CYSLTR2: variants seen among roughly 807,000 people sequenced by gnomAD.
CYSLTR2 encodes cysteinyl leukotriene receptor 2.
For missense variants in CYSLTR2, 398 were observed against 411.9 expected, an observed-to-expected ratio of 0.97 and a Z score of 0.29; for synonymous variants, 179 against 160.8, an observed-to-expected ratio of 1.11 and a Z score of -0.86.
rs144007002 is a variant in CYSLTR2, at chr13:48,706,287, A to C, written c.-1-530A>C. ...CTGGGATTACGGGCGTGAGCCACCA[A>C]ACCCAGCCTAGTCATTCTTTTAAGA... On this transcript the variant is annotated intron_variant, in intron 4 of 4. Transcript: ENST00000682523. 4.4e-3 allele frequency among the ~76,000 whole-genome samples: 669 copies of C among 152,308 alleles called. 3 individuals carry two copies. Among genetic ancestry groups the C allele is most frequent in the Middle Eastern group, 0.014 (4 of 294 alleles).
At chr13:48,677,823 C>A (rs1953639683) in intron 1 of CYSLTR2, among the ~76,000 whole-genome samples, 2 of 151,940 alleles carry the variant, frequency 1.3e-5, no homozygotes, top group African/African-American at 4.8e-5. Context: ...CTTTCTACAC[C>A]ACCCCTCTAC....
chr13:48,663,405 A>T (rs997303464), intron 1 of CYSLTR2, among the ~76,000 whole-genome samples: 5 of 152,180 alleles, frequency 3.3e-5, no homozygotes, highest in Non-Finnish European at 7.4e-5. Context: ...TAGGAATTGC[A>T]TTGAATCTGT....
chr13:48,656,905 C>T (rs991524455), intron 1 of CYSLTR2, among the ~76,000 whole-genome samples: 4 of 152,196 alleles, frequency 2.6e-5, no homozygotes, highest in African/African-American at 9.7e-5. Flanking sequence ...CTCAGCGTTG[C>T]TAGAGAGCTT....
intron 1 of CYSLTR2, among the ~76,000 whole-genome samples, chr13:48,676,395 G>T (rs958392400): frequency 6.6e-6 from 1 of 152,204 alleles, no homozygotes; most frequent in Non-Finnish European, 1.5e-5. Flanking sequence ...ATTTTAATTG[G>T]TTACATCTAG....
At chr13:48,704,465 T>C (rs539888177) in intron 4 of CYSLTR2, among the ~76,000 whole-genome samples, 1 of 152,246 alleles carries the variant, frequency 6.6e-6, no homozygotes, top group Admixed American at 6.5e-5. Flanking sequence ...TATTTTTTTC[T>C]GTTTTCAATT....
intron 1 of CYSLTR2, among the ~76,000 whole-genome samples, chr13:48,671,541 G>C (rs547333734): frequency 5.6e-4 from 85 of 152,234 alleles, no homozygotes; most frequent in African/African-American, 1.8e-3. Context: ...TATTCATGTG[G>C]TTTTTGTCAT....
intron 1 of CYSLTR2, among the ~76,000 whole-genome samples, chr13:48,674,270 A>G (rs1953534716): frequency 6.6e-6 from 1 of 152,160 alleles, no homozygotes; most frequent in South Asian, 2.1e-4. Flanking sequence ...AATCAGATGT[A>G]GGTTTGGTCT....
chr13:48,665,722 T>G (rs142287884), intron 1 of CYSLTR2, among the ~76,000 whole-genome samples: 128 of 152,262 alleles, frequency 8.4e-4, no homozygotes, highest in Admixed American at 2.6e-3. Flanking sequence ...GATTTTCTTA[T>G]AGGCAGCATA....
intron 1 of CYSLTR2, among the ~76,000 whole-genome samples, chr13:48,667,342 C>T (rs1312956030): frequency 6.6e-6 from 1 of 152,228 alleles, no homozygotes; most frequent in Non-Finnish European, 1.5e-5. Flanking sequence ...GGCTGTTACC[C>T]TGGCTGGGAG....
At position 48,686,379 on chromosome 13, in the gene CYSLTR2, G is replaced by A. The variant is rs142523783; in HGVS notation, c.-265-4833G>A. Among the ~76,000 whole-genome samples the A allele has an allele frequency of 2.4e-4, 37 of 152,268 alleles. No individual in the cohort carries two copies. The East Asian group carries it at 5.2e-3, about 21-fold the overall frequency. ...GACTTCTTGCACACCATTGGAAATT[G>A]CAGTGTCTCAGGAAAGGGTGTTAGT... is the stretch of plus-strand genomic sequence containing the variant. On this transcript the variant is annotated intron_variant, in intron 1 of 4. Transcript: ENST00000682523.
chr13:48,657,300 T>C (rs1304402313), intron 1 of CYSLTR2, among the ~76,000 whole-genome samples: 1 of 152,196 alleles, frequency 6.6e-6, no homozygotes, highest in Non-Finnish European at 1.5e-5. Flanking sequence ...TAGTTATTAT[T>C]CGAGAGGCCC....
chr13:48,696,307 T>A (rs542735486), intron 3 of CYSLTR2, among the ~76,000 whole-genome samples: 9 of 152,362 alleles, frequency 5.9e-5, no homozygotes, highest in African/African-American at 2.2e-4. Context: ...AACCCTGTTT[T>A]GATAAGTGAT....
intron 1 of CYSLTR2, among the ~76,000 whole-genome samples, chr13:48,657,603 A>T (rs1207563218): frequency 6.6e-6 from 1 of 151,934 alleles, no homozygotes. Context: ...AGCTGGGAGA[A>T]ATTAAAATAA....
Position 48,696,600 on chromosome 13 carries a change from C to T in CYSLTR2, c.-28C>T, listed in dbSNP as rs9595970. ...ATCCCAGTGTGAGCAACGTGGAAGA[C>T]GGGTGATTTCTGCATTTCCAACTGA... On this transcript the variant is annotated 5_prime_UTR_variant, in exon 4 of 5. In the 5' UTR this introduces an upstream ATG that the reference lacks. Coordinates refer to ENST00000682523, the MANE Select transcript of CYSLTR2 (RefSeq NM_001308476.3). The T allele has an allele frequency of 0.16, 24,800 of 152,174 alleles. 2,161 individuals carry two copies. Among genetic ancestry groups the T allele is most frequent in the Middle Eastern group, 0.29 (85 of 294 alleles). 9.4% of individuals were successfully genotyped at this position (152,174 alleles called of 1,614,324 possible).
At chr13:48,662,275 G>A (rs910301289) in intron 1 of CYSLTR2, among the ~76,000 whole-genome samples, 14 of 152,134 alleles carry the variant, frequency 9.2e-5, no homozygotes, top group Admixed American at 5.2e-4. Flanking sequence ...CACTTAGGTT[G>A]ATTCCATAAC....
chr13:48,677,490 TG>T (rs1304367666), intron 1 of CYSLTR2, among the ~76,000 whole-genome samples: 1 of 151,926 alleles, frequency 6.6e-6, no homozygotes, highest in Non-Finnish European at 1.5e-5. Flanking sequence ...AGCTACAGAG[TG>T]GGAAGGTTGA....
intron 3 of CYSLTR2, among the ~76,000 whole-genome samples, chr13:48,695,068 A>ATT (rs869282546): frequency 0.012 from 865 of 71,554 alleles, 168 homozygotes; most frequent in African/African-American, 0.038. Context: ...AGAACCTGGC[A>ATT]TTTTTTTTTT....
chr13:48,701,522 G>A (rs956372036), intron 4 of CYSLTR2, among the ~76,000 whole-genome samples: 9 of 151,534 alleles, frequency 5.9e-5, no homozygotes, highest in Admixed American at 4.6e-4. Context: ...CCTAAAATCT[G>A]GCTAATATCC....
At chr13:48,688,076 C>T (rs1293807297) in intron 1 of CYSLTR2, among the ~76,000 whole-genome samples, 1 of 152,122 alleles carries the variant, frequency 6.6e-6, no homozygotes, top group Non-Finnish European at 1.5e-5. Context: ...TCTCACTCCT[C>T]AAGGATCAGA....
Sources: allele counts gnomAD v4.1 joint callset (sites outside exome capture counted in the v4.1 genomes callset), GRCh38; gene constraint gnomAD v4.1.1; transcripts MANE v1.5; gene names NCBI Gene and HGNC (gene_info 2026-07-23, HGNC 2026-07-21).